LAMA3: variants seen among roughly 807,000 people sequenced by gnomAD.
LAMA3 encodes laminin subunit alpha-3.
In LAMA3, 281 loss-of-function variants were observed where a neutral mutation model predicts 402.0. The observed-to-expected ratio is 0.70, with a 90% confidence interval of 0.63 to 0.77. The LOEUF (loss-of-function observed/expected upper bound fraction) is 0.77, where lower values mean the gene tolerates loss of function less well. Ranked by LOEUF, LAMA3 falls within the 30% of genes least tolerant of loss-of-function variation. LAMA3 has a pLI of 0.00. For missense variants in LAMA3, 3,840 were observed against 4,215.5 expected, an observed-to-expected ratio of 0.91 and a Z score of 2.47; for synonymous variants, 1,431 against 1,558.4, an observed-to-expected ratio of 0.92 and a Z score of 1.93.
chr18:23,904,652 C>G lies in LAMA3; in HGVS notation c.6573C>G (p.Asp2191Glu). 6.2e-7 allele frequency: 1 copy of G among 1,613,960 alleles called. No homozygotes were observed. The highest frequency in any genetic ancestry group is 1.1e-5 in the South Asian group (1 of 91,048). ...TCAATGCCATCAAAGCGGCCGAGGA[C>G]GCAGCCAACAGGGCTGCCAGTGCAT... Reference protein sequence around the residue: ...NILNAIKAAEDAANRAASASE... With the variant: ...NILNAIKAAEEAANRAASASE... The change falls in exon 51 of 75, where the codon GAC becomes GAG. Residue 2191 changes from aspartate (D) to glutamate (E), a missense_variant. Physicochemically the swap from Asp to Glu is conservative, Grantham distance 45. Around this residue, in one of 3 missense-constraint regions of LAMA3, gnomAD observed 891 missense variants for 857.5 expected, o/e 1.04. Transcript: ENST00000313654.
chr18:23,939,261 G>T lies in LAMA3; in HGVS notation c.8901G>T (p.Val2967=). Residue 2967 remains valine (V), a synonymous_variant, in exon 68 of 75, where the codon GTG becomes GTT. Transcript: ENST00000313654. ...QDTPVASPRS[V]KVWQDACSPL... ...CACCAGTGGCCTCCCCAAGGAGCGT[G>T]AAGGTGTGGCAAGATGCTTGCTCAC... The T allele has an allele frequency of 1.2e-6, 2 of 1,614,220 alleles. No individual in the cohort carries two copies. The highest frequency in any genetic ancestry group is 1.7e-6 in the Non-Finnish European group (2 of 1,180,028).
In LAMA3 at chr18:23,928,872, A is replaced by G. The variant is rs1374469855; in HGVS notation, c.8436+107A>G. 3.4e-5 allele frequency: 36 copies of G among 1,048,012 alleles called. No homozygotes were observed. In the East Asian group the frequency reaches 8.2e-4, roughly 24 times the overall value. 64.9% of individuals were successfully genotyped at this position (1,048,012 alleles called of 1,614,324 possible). A position where few individuals can be genotyped will look rare whatever the true frequency, so the allele number is the denominator to read the frequency against. On this transcript the variant is annotated intron_variant, in intron 64 of 74. Coordinates refer to ENST00000313654, the MANE Select transcript of LAMA3 (RefSeq NM_198129.4). ...AGTGGTGGAGTTGTACATTTTTTCT[A>G]TCATCACACAGTAAATGCTATTGTA...
At chr18:23,824,601 A>T in intron 21 of LAMA3, 36 bp downstream of exon 21, 1 of 1,611,100 alleles carries the variant, frequency 6.2e-7, no homozygotes, top group South Asian at 1.1e-5. Flanking sequence ...CTCCTGCGGG[A>T]TTCTTCCTAC....
At chr18:23,748,975 T>G (rs917408759) in intron 3 of LAMA3, among the ~76,000 whole-genome samples, 18 of 152,212 alleles carry the variant, frequency 1.2e-4, no homozygotes, top group African/African-American at 3.4e-4. Flanking sequence ...AACTGTCATC[T>G]CCAATCTTTT....
chr18:23,796,992 G>T (rs1451848684), intron 12 of LAMA3, among the ~76,000 whole-genome samples: 1 of 152,118 alleles, frequency 6.6e-6, no homozygotes, highest in East Asian at 1.9e-4. Context: ...GGCCCCGGTG[G>T]GTGAAGGTCT....
chr18:23,925,378 C>T (rs1025023707), intron 62 of LAMA3, among the ~76,000 whole-genome samples: 14 of 152,138 alleles, frequency 9.2e-5, no homozygotes, highest in Admixed American at 3.9e-4. Context: ...AGGAGAAGAG[C>T]AAATCATCCC....
chr18:23,945,216 G>T (rs1367270567), intron 69 of LAMA3, among the ~76,000 whole-genome samples: 2 of 152,212 alleles, frequency 1.3e-5, no homozygotes, highest in South Asian at 2.1e-4. Context: ...ACTGCCAGGG[G>T]GCAAGAGTAG....
At chr18:23,890,575 G>C (rs960817821) in intron 42 of LAMA3, among the ~76,000 whole-genome samples, 9 of 152,094 alleles carry the variant, frequency 5.9e-5, no homozygotes, top group African/African-American at 2.2e-4. Flanking sequence ...TATACACCAA[G>C]AAAAAGATAA....
At chr18:23,845,261 A>AGG (rs1167172360) in intron 30 of LAMA3, 137 bp downstream of exon 30, 2 of 684,990 alleles carry the variant, frequency 2.9e-6, no homozygotes, top group Non-Finnish European at 5.4e-6. Context: ...AGTGAGTCCC[A>AGG]GGGGAAGATG....
chr18:23,699,974 A>G (rs938409263), intron 1 of LAMA3, among the ~76,000 whole-genome samples: 1 of 152,196 alleles, frequency 6.6e-6, no homozygotes, highest in South Asian at 2.1e-4. Flanking sequence ...AAAGATAATA[A>G]TATTGATTCT....
At chr18:23,763,314 A>G (rs749550066) in intron 7 of LAMA3, 91 bp from the exon 8 acceptor site, 18 of 897,562 alleles carry the variant, frequency 2.0e-5, no homozygotes, top group Non-Finnish European at 3.2e-5. Flanking sequence ...ATACTTTTTT[A>G]TAGCTCAATT....
At chr18:23,798,309 C>T (rs1340926641) in intron 12 of LAMA3, among the ~76,000 whole-genome samples, 2 of 152,156 alleles carry the variant, frequency 1.3e-5, no homozygotes, top group Non-Finnish European at 1.5e-5. Context: ...CCAACCCCAC[C>T]GACATGACCT....
intron 2 of LAMA3, among the ~76,000 whole-genome samples, chr18:23,728,290 G>A (rs1299336219): frequency 6.6e-6 from 1 of 152,172 alleles, no homozygotes; most frequent in Non-Finnish European, 1.5e-5. Flanking sequence ...GCAACAGGCT[G>A]GGGGGAGGTA....
At chr18:23,900,667 A>C (rs2081041864) in intron 47 of LAMA3, among the ~76,000 whole-genome samples, 1 of 152,242 alleles carries the variant, frequency 6.6e-6, no homozygotes, top group Admixed American at 6.5e-5. Context: ...TTTATTCTTT[A>C]ATAAAATGAT....
chr18:23,771,987 A>G (rs1051904967), intron 8 of LAMA3, among the ~76,000 whole-genome samples: 2 of 152,108 alleles, frequency 1.3e-5, no homozygotes, highest in African/African-American at 2.4e-5. Context: ...CTTTATCTCC[A>G]TGAACTAAAA....
intron 32 of LAMA3, among the ~76,000 whole-genome samples, chr18:23,849,835 GA>G (rs1286437971): frequency 1.3e-5 from 2 of 152,150 alleles, no homozygotes; most frequent in African/African-American, 4.8e-5. Flanking sequence ...TTGACCTTAG[GA>G]AAGGGACTAT....
chr18:23,924,311 C>G (rs2081937508), intron 62 of LAMA3, among the ~76,000 whole-genome samples: 1 of 151,964 alleles, frequency 6.6e-6, no homozygotes, highest in African/African-American at 2.4e-5. Context: ...GTCACCATGC[C>G]TGGCTAATTT....
chr18:23,794,816 G>A (rs947148110), intron 12 of LAMA3, among the ~76,000 whole-genome samples: 2 of 152,112 alleles, frequency 1.3e-5, no homozygotes, highest in African/African-American at 4.8e-5. Context: ...TCCTTAAAGG[G>A]ACTCCATGAT....
chr18:23,855,920 T>G (rs2064066630), intron 32 of LAMA3, among the ~76,000 whole-genome samples: 1 of 152,206 alleles, frequency 6.6e-6, no homozygotes, highest in South Asian at 2.1e-4. Flanking sequence ...GTTGGTCCTT[T>G]TAGTTGTGCC....
Sources: allele counts gnomAD v4.1 joint callset (sites outside exome capture counted in the v4.1 genomes callset), GRCh38; gene constraint gnomAD v4.1.1; regional missense constraint gnomAD v4.1.1; transcripts MANE v1.5; gene names NCBI Gene and HGNC (gene_info 2026-07-23, HGNC 2026-07-21).